The following CYB5B variants were observed in gnomAD, a reference collection of about 807,000 sequenced individuals.
CYB5B encodes cytochrome b5 type B, also known as cytochrome b5 type B (outer mitochondrial membrane).
Under a neutral mutation model 21.3 loss-of-function variants are expected in CYB5B, and 14 were observed. The ratio of observed to expected loss-of-function variants is 0.66; its 90% CI spans 0.43 to 1.03. The LOEUF is 1.03. Ranked by LOEUF, CYB5B falls within the 50% of genes least tolerant of loss-of-function variation. CYB5B has a pLI of 0.00. For synonymous variants in CYB5B, 69 were observed against 68.4 expected (o/e 1.01, Z -0.04); for missense variants, 166 against 185.1 (o/e 0.90, Z 0.60).
Position 69,424,695 on chromosome 16 carries a change from A to G in CYB5B, c.12A>G (p.Ser4=), listed in dbSNP as rs1195662861. The G allele has an allele frequency of 8.8e-6, 14 of 1,587,192 alleles. No individual in the cohort carries two copies. The East Asian group carries it at 2.1e-4, about 24-fold the overall frequency. The stretch of plus-strand genomic sequence containing the variant: ...GGTGGAGAGGCAGTATGTCCGGTTC[A>G]ATGGCGACTGCGGAAGCTAGCGGCA... The part of the protein sequence containing the change: MSG[S]MATAEASGSD... The change falls in exon 1 of 5, where the codon TCA becomes TCG. Residue 4 remains serine (S), a synonymous_variant. Coordinates refer to ENST00000307892, the MANE Select transcript of CYB5B (RefSeq NM_030579.3).
chr16:69,447,338 C>G, intron 2 of CYB5B, 60 bp downstream of exon 2: 1 of 1,577,982 alleles, frequency 6.3e-7, no homozygotes, highest in Non-Finnish European at 8.6e-7. Context: ...AGCTGCAGAA[C>G]AGGATGAAGA....
chr16:69,426,577 C>T (rs1260472409), intron 1 of CYB5B, among the ~76,000 whole-genome samples: 8 of 151,446 alleles, frequency 5.3e-5, no homozygotes, highest in Non-Finnish European at 8.8e-5. Flanking sequence ...TGGTGGTGGG[C>T]GCCTGTAATC....
Position 69,462,678 on chromosome 16 carries a change from C to T in CYB5B, c.*158C>T. On this transcript the variant is annotated 3_prime_UTR_variant, in exon 5 of 5. Coordinates refer to ENST00000307892, the MANE Select transcript of CYB5B (RefSeq NM_030579.3). Reference sequence around the variant, plus strand: ...CCAGACATCACCTCAGATCTGAGACCAGCGTCTTCCATCTCTCAGAGCCTT... The same window carrying T: ...CCAGACATCACCTCAGATCTGAGACTAGCGTCTTCCATCTCTCAGAGCCTT... 1.6e-6 allele frequency: 1 copy of T among 621,356 alleles called. No homozygotes were observed. Among genetic ancestry groups the T allele is most frequent in the Non-Finnish European group, 2.9e-6 (1 of 347,020 alleles). 38.5% of individuals were successfully genotyped at this position (621,356 alleles called of 1,614,324 possible).
intron 1 of CYB5B, among the ~76,000 whole-genome samples, chr16:69,433,667 A>C (rs1385005223): frequency 6.6e-6 from 1 of 152,212 alleles, no homozygotes; most frequent in East Asian, 1.9e-4. Flanking sequence ...ATTGAAATCA[A>C]ATGTAGGGAC....
At chr16:69,442,136 C>T (rs1456692610) in intron 1 of CYB5B, among the ~76,000 whole-genome samples, 1 of 46,916 alleles carries the variant, frequency 2.1e-5, no homozygotes, top group Non-Finnish European at 4.0e-5. Flanking sequence ...ATGCAGGGTG[C>T]TTGGATCTCA....
chr16:69,448,917 C>T (rs767094037), intron 3 of CYB5B: 6 of 152,198 alleles, frequency 3.9e-5, no homozygotes, highest in Non-Finnish European at 8.8e-5. Flanking sequence ...CTGCTTGCTT[C>T]CCATTCCTCA....
intron 4 of CYB5B, among the ~76,000 whole-genome samples, chr16:69,461,512 C>T (rs767161945): frequency 2.6e-5 from 4 of 152,154 alleles, no homozygotes; most frequent in Non-Finnish European, 4.4e-5. Context: ...AACTTCAGCT[C>T]GTTTTATTGA....
intron 3 of CYB5B, among the ~76,000 whole-genome samples, chr16:69,454,559 G>T (rs576356378): frequency 6.6e-6 from 1 of 152,238 alleles, no homozygotes; most frequent in Admixed American, 6.5e-5. Flanking sequence ...TGGTATTAAG[G>T]GGGAGAAATC....
At position 69,463,577 on chromosome 16, in the gene CYB5B, T is replaced by C. The variant is rs1179435182; in HGVS notation, c.*1057T>C. On this transcript the variant is annotated 3_prime_UTR_variant, in exon 5 of 5. Transcript: ENST00000307892. ...TTTACCAAGGAGTTTCCCTCCTTTT[T>C]TGTTTGTTGATTAGCAAATTTTTGA... 1 of 152,198 alleles carries C rather than the reference T, an allele frequency of 6.6e-6. No individual in the cohort carries two copies. The highest frequency in any genetic ancestry group is 1.9e-4 in the East Asian group (1 of 5,202). 9.4% of individuals were successfully genotyped at this position (152,198 alleles called of 1,614,324 possible).
At chr16:69,454,645 T>C (rs1396238528) in intron 3 of CYB5B, among the ~76,000 whole-genome samples, 1 of 152,188 alleles carries the variant, frequency 6.6e-6, no homozygotes, top group South Asian at 2.1e-4. Context: ...GATACCAAAG[T>C]GTTCCAAATT....
chr16:69,448,491 T>C (rs935357266), intron 3 of CYB5B: 4 of 222,714 alleles, frequency 1.8e-5, no homozygotes, highest in African/African-American at 6.9e-5. Context: ...TAATTGTTTC[T>C]GTGTTGGAAA....
At chr16:69,430,977 T>A (rs2014700450) in intron 1 of CYB5B, among the ~76,000 whole-genome samples, 1 of 132,808 alleles carries the variant, frequency 7.5e-6, no homozygotes, top group Admixed American at 7.5e-5. Flanking sequence ...CCAGCCCTAT[T>A]TTAAAGCTTT....
At position 69,434,818 on chromosome 16, in the gene CYB5B, G is replaced by A. The variant is rs953780156; in HGVS notation, c.174+9961G>A. Among the ~76,000 whole-genome samples, 12 of 146,524 alleles carry A rather than the reference G, an allele frequency of 8.2e-5. No individual in the cohort carries two copies. The East Asian group carries it at 1.0e-3, about 12-fold the overall frequency. ...GTGGAGGTTGCAGTGAGCTGAGATC[G>A]CGCCACTGCACTCCAACCTGGGTGA... On this transcript the variant is annotated intron_variant, in intron 1 of 4. Coordinates refer to ENST00000307892, the MANE Select transcript of CYB5B (RefSeq NM_030579.3).
At chr16:69,460,633 A>T (rs1347878892) in intron 4 of CYB5B, among the ~76,000 whole-genome samples, 1 of 152,166 alleles carries the variant, frequency 6.6e-6, no homozygotes, top group African/African-American at 2.4e-5. Flanking sequence ...ATTTGATAGG[A>T]TGACTTAACT....
intron 1 of CYB5B, among the ~76,000 whole-genome samples, chr16:69,435,291 A>G (rs989733531): frequency 1.3e-5 from 2 of 152,238 alleles, no homozygotes; most frequent in Non-Finnish European, 1.5e-5. Flanking sequence ...AAAGAGCTCA[A>G]TAAGTGTTAG....
intron 1 of CYB5B, among the ~76,000 whole-genome samples, chr16:69,435,057 A>AT (rs577815572): frequency 2.0e-5 from 3 of 151,658 alleles, no homozygotes; most frequent in African/African-American, 7.3e-5. Context: ...ACTTGAAAGC[A>AT]TTTTTTTCTA....
intron 3 of CYB5B, among the ~76,000 whole-genome samples, chr16:69,455,115 C>T (rs975847304): frequency 7.9e-5 from 12 of 151,872 alleles, no homozygotes; most frequent in Admixed American, 3.3e-4. Flanking sequence ...AGGATGGTCT[C>T]GAGCTCCTGA....
intron 1 of CYB5B, among the ~76,000 whole-genome samples, chr16:69,431,969 ATT>A (rs1324366835): frequency 6.6e-6 from 1 of 152,224 alleles, no homozygotes; most frequent in Admixed American, 6.5e-5. Flanking sequence ...AGAAGATAAC[ATT>A]TAATTGAGCT....
In CYB5B at chr16:69,463,120, G is replaced by A. The variant is rs1037691579; in HGVS notation, c.*600G>A. ...GATTTAATTCTTTTATTTATCATAA[G>A]GGGTTTAATTCCTGAAGTAAAGGTT... On this transcript the variant is annotated 3_prime_UTR_variant, in exon 5 of 5. Coordinates refer to ENST00000307892, the MANE Select transcript of CYB5B (RefSeq NM_030579.3). 5 of 152,278 alleles carry A rather than the reference G, an allele frequency of 3.3e-5. No homozygotes were observed. Among genetic ancestry groups the A allele is most frequent in the Middle Eastern group, 3.4e-3 (1 of 294 alleles). 9.4% of individuals were successfully genotyped at this position (152,278 alleles called of 1,614,324 possible).
Sources: allele counts gnomAD v4.1 joint callset (sites outside exome capture counted in the v4.1 genomes callset), GRCh38; gene constraint gnomAD v4.1.1; transcripts MANE v1.5; gene names NCBI Gene and HGNC (gene_info 2026-07-23, HGNC 2026-07-21).